Variants in ADCY2 observed in about 807,000 individuals in gnomAD.
The protein encoded by ADCY2 is adenylate cyclase type 2.
In ADCY2, 31 loss-of-function variants were observed where a neutral mutation model predicts 125.2. The ratio of observed to expected loss-of-function variants is 0.25; its 90% CI spans 0.19 to 0.33. ADCY2 has a LOEUF of 0.33. ADCY2 is among the 10% of genes least tolerant of loss of function. The pLI is 1.00. For missense variants in ADCY2, 904 were observed against 1,418.2 expected (o/e 0.64, Z 5.82); for synonymous variants, 512 against 548.4 (o/e 0.93, Z 0.93).
At chr5:7,553,242 T>C (rs1735394669) in intron 3 of ADCY2, among the ~76,000 whole-genome samples, 1 of 152,182 alleles carries the variant, frequency 6.6e-6, no homozygotes, top group African/African-American at 2.4e-5. Context: ...GGATCCCAGA[T>C]TCATCAAAAC....
chr5:7,701,936 T>C (rs556427032), intron 7 of ADCY2, among the ~76,000 whole-genome samples: 1 of 151,872 alleles, frequency 6.6e-6, no homozygotes. Flanking sequence ...CTCAGTAATG[T>C]CAACAGGTTT....
At chr5:7,817,234 C>T (rs1378011196) in intron 23 of ADCY2, among the ~76,000 whole-genome samples, 3 of 152,118 alleles carry the variant, frequency 2.0e-5, no homozygotes, top group Non-Finnish European at 2.9e-5. Flanking sequence ...CTTGAGCCAT[C>T]CTGCGTTGCT....
chr5:7,600,915 A>C (rs1737179238), intron 3 of ADCY2, among the ~76,000 whole-genome samples: 1 of 152,238 alleles, frequency 6.6e-6, no homozygotes, highest in South Asian at 2.1e-4. Flanking sequence ...TTCTGAGAAT[A>C]GGTTCATGTA....
rs1745592358 is a variant in ADCY2 at position 7,829,916 on chromosome 5, A to G, written c.*3045A>G. On this transcript the variant is annotated 3_prime_UTR_variant, in exon 25 of 25. Coordinates refer to ENST00000338316, the MANE Select transcript of ADCY2 (RefSeq NM_020546.3). The stretch of plus-strand genomic sequence containing the variant: ...AACATAGCAAGACCCCCATCTCTGC[A>G]AAAAAATAAGAAAATTAGCTTGGCA... 1 of 152,028 alleles carries G rather than the reference A, an allele frequency of 6.6e-6. No individual in the cohort carries two copies. Among genetic ancestry groups the G allele is most frequent in the Non-Finnish European group, 1.5e-5 (1 of 68,024 alleles). The allele number at this position is 152,028 out of a possible 1,614,324, so 9.4% of individuals were successfully genotyped here. A position where few individuals can be genotyped will look rare whatever the true frequency, so the allele number is the denominator to read the frequency against.
chr5:7,804,528 G>A (rs1744699846), intron 21 of ADCY2, 57 bp from the exon 22 acceptor site: 1 of 1,302,142 alleles, frequency 7.7e-7, no homozygotes, highest in Non-Finnish European at 1.1e-6. Context: ...TCTATAAAAT[G>A]CTCAGCTTCA....
chr5:7,412,322 A>G (rs1022628254), intron 1 of ADCY2, among the ~76,000 whole-genome samples: 24 of 152,218 alleles, frequency 1.6e-4, no homozygotes, highest in Non-Finnish European at 2.8e-4. Flanking sequence ...ATACTAGGAA[A>G]TAGGTTTCCT....
chr5:7,769,386 A>C (rs943925540), intron 17 of ADCY2, among the ~76,000 whole-genome samples: 2 of 152,186 alleles, frequency 1.3e-5, no homozygotes, highest in African/African-American at 4.8e-5. Flanking sequence ...ATGCATAATA[A>C]ATTATTCATT....
chr5:7,824,250 C>A (rs993426767), intron 24 of ADCY2, among the ~76,000 whole-genome samples: 1 of 152,120 alleles, frequency 6.6e-6, no homozygotes, highest in Non-Finnish European at 1.5e-5. Context: ...CCAAGAACAG[C>A]ATAGCAAGCC....
chr5:7,699,371 A>C (rs1335712804), intron 7 of ADCY2, among the ~76,000 whole-genome samples: 1 of 151,846 alleles, frequency 6.6e-6, no homozygotes, highest in East Asian at 1.9e-4. Flanking sequence ...TGCTGGGATT[A>C]CAGGCGTGAG....
intron 3 of ADCY2, among the ~76,000 whole-genome samples, chr5:7,532,262 G>T (rs1389911883): frequency 2.0e-5 from 3 of 152,182 alleles, no homozygotes; most frequent in Non-Finnish European, 4.4e-5. Context: ...CAGGTGATAT[G>T]TTCACATTAA....
At chr5:7,777,649 C>T (rs376672721) in intron 18 of ADCY2, among the ~76,000 whole-genome samples, 2 of 152,220 alleles carry the variant, frequency 1.3e-5, no homozygotes, top group African/African-American at 4.8e-5. Flanking sequence ...CATGTGACTT[C>T]GTCATGGCTC....
At chr5:7,676,259 T>A (rs1740123151) in intron 4 of ADCY2, among the ~76,000 whole-genome samples, 1 of 152,224 alleles carries the variant, frequency 6.6e-6, no homozygotes, top group Admixed American at 6.5e-5. Context: ...AACATCTTGC[T>A]ACGGGTAGTG....
chr5:7,483,074 A>G (rs542988578), intron 2 of ADCY2, among the ~76,000 whole-genome samples: 2 of 152,170 alleles, frequency 1.3e-5, no homozygotes, highest in South Asian at 4.1e-4. Flanking sequence ...ACAGTTAGAT[A>G]CAAGGAATAA....
At chr5:7,789,306 A>G (rs1002193255) in intron 19 of ADCY2, among the ~76,000 whole-genome samples, 4 of 152,260 alleles carry the variant, frequency 2.6e-5, no homozygotes, top group East Asian at 1.9e-4. Context: ...TGTATTCATC[A>G]TTTATATTCT....
chr5:7,580,916 A>T (rs13186833), intron 3 of ADCY2, among the ~76,000 whole-genome samples: 96,982 of 152,068 alleles, frequency 0.64, 31,539 homozygotes, highest in Non-Finnish European at 0.69. Context: ...TGGGATAACA[A>T]TGTTAAAATG....
At chr5:7,580,822 T>C (rs1344484585) in intron 3 of ADCY2, among the ~76,000 whole-genome samples, 2 of 152,182 alleles carry the variant, frequency 1.3e-5, no homozygotes, top group African/African-American at 2.4e-5. Context: ...ATCTCAAAGA[T>C]AGCCAGAGAA....
chr5:7,562,666 G>A (rs1735744215), intron 3 of ADCY2, among the ~76,000 whole-genome samples: 1 of 152,078 alleles, frequency 6.6e-6, no homozygotes, highest in Non-Finnish European at 1.5e-5. Context: ...CACACACACG[G>A]CCTTAGTAGT....
chr5:7,782,473 G>T (rs16879047), intron 18 of ADCY2, among the ~76,000 whole-genome samples: 5,286 of 152,286 alleles, frequency 0.035, 110 homozygotes, highest in Middle Eastern at 0.065. Flanking sequence ...TATGTTTGGG[G>T]CATCTGGTCC....
chr5:7,783,093 C>G (rs1258041932), intron 18 of ADCY2, among the ~76,000 whole-genome samples: 2 of 152,156 alleles, frequency 1.3e-5, no homozygotes, highest in Non-Finnish European at 2.9e-5. Context: ...GCCACTGGGA[C>G]CAGGCAATTC....
Sources: allele counts gnomAD v4.1 joint callset (sites outside exome capture counted in the v4.1 genomes callset), GRCh38; gene constraint gnomAD v4.1.1; transcripts MANE v1.5; gene names NCBI Gene and HGNC (gene_info 2026-07-23, HGNC 2026-07-21).